KLHL32: variants seen among roughly 807,000 people sequenced by gnomAD.
KLHL32 encodes kelch-like protein 32.
A neutral mutation model predicts 64.8 loss-of-function variants in KLHL32; 35 were observed. The observed-to-expected ratio is 0.54, with a 90% CI of 0.41 to 0.72. The LOEUF is 0.72. Among genes scored for constraint, KLHL32 ranks in the 30% least tolerant of loss-of-function variants. The pLI, the probability that KLHL32 is intolerant of heterozygous loss-of-function variation, is 0.00. For synonymous variants in KLHL32, 259 were observed against 281.0 expected (o/e 0.92, Z 0.78); for missense variants, 589 against 768.5 (o/e 0.77, Z 2.76).
At chr6:97,114,554 G>A (rs759277137) in intron 7 of KLHL32, 45 bp downstream of exon 7, 1 of 1,604,490 alleles carries the variant, frequency 6.2e-7, no homozygotes, top group South Asian at 1.1e-5. Context: ...CACTTTCATT[G>A]TGGTATATAT....
At chr6:97,014,842 A>G (rs1038372872) in intron 3 of KLHL32, among the ~76,000 whole-genome samples, 3 of 152,222 alleles carry the variant, frequency 2.0e-5, no homozygotes, top group African/African-American at 7.2e-5. Flanking sequence ...ATAGCTTAGT[A>G]TGAGAGCAAA....
chr6:97,119,608 C>T (rs936890330), intron 7 of KLHL32, among the ~76,000 whole-genome samples: 3 of 152,148 alleles, frequency 2.0e-5, no homozygotes, highest in African/African-American at 4.8e-5. Flanking sequence ...GAAATAGAAA[C>T]CCCAGGTGCA....
intron 5 of KLHL32, among the ~76,000 whole-genome samples, chr6:97,080,400 T>TAC (rs1226060438): frequency 1.2e-4 from 19 of 152,192 alleles, no homozygotes; most frequent in Non-Finnish European, 2.5e-4. Flanking sequence ...TCATGGGTAT[T>TAC]CTTTCATTAA....
intron 4 of KLHL32, among the ~76,000 whole-genome samples, chr6:97,059,338 A>G (rs1399290403): frequency 6.6e-6 from 1 of 152,214 alleles, no homozygotes; most frequent in Admixed American, 6.5e-5. Flanking sequence ...ATAAAACTGG[A>G]GAAAAGTTTT....
the KLHL32 span, among the ~76,000 whole-genome samples, chr6:96,911,016 CTA>C: frequency 6.6e-6 from 1 of 152,084 alleles, no homozygotes; most frequent in East Asian, 1.9e-4. Context: ...TAATACATAT[CTA>C]TATCTTAAGT....
At chr6:96,988,847 T>G (rs1376978832) in intron 3 of KLHL32, among the ~76,000 whole-genome samples, 1 of 151,886 alleles carries the variant, frequency 6.6e-6, no homozygotes, top group African/African-American at 2.4e-5. Context: ...AGCAAACTGT[T>G]GCAAGGACAA....
At chr6:97,112,032 G>A (rs1052304375) in intron 6 of KLHL32, among the ~76,000 whole-genome samples, 1 of 151,146 alleles carries the variant, frequency 6.6e-6, no homozygotes, top group Non-Finnish European at 1.5e-5. Context: ...GGTACAGGAT[G>A]GGGGGGTGGG....
intron 3 of KLHL32, among the ~76,000 whole-genome samples, chr6:97,014,282 G>C (rs1340102777): frequency 6.7e-6 from 1 of 148,662 alleles, no homozygotes; most frequent in African/African-American, 2.5e-5. Context: ...GTGACAGAGC[G>C]AGACTCCGTC....
At chr6:97,037,100 G>A (rs1303863402) in intron 3 of KLHL32, among the ~76,000 whole-genome samples, 3 of 151,862 alleles carry the variant, frequency 2.0e-5, no homozygotes, top group African/African-American at 7.3e-5. Flanking sequence ...TATATTATAT[G>A]TTAAATACTC....
At chr6:96,982,680 TTGTC>T (rs1389875996) in intron 3 of KLHL32, among the ~76,000 whole-genome samples, 2 of 150,326 alleles carry the variant, frequency 1.3e-5, no homozygotes, top group Admixed American at 6.6e-5. Flanking sequence ...GGTTCTCTGT[TTGTC>T]TGTTACTGGT....
rs1800501932 is a variant in KLHL32 at position 97,139,965 on chromosome 6, A to G, written c.*683A>G. On this transcript the variant is annotated 3_prime_UTR_variant, in exon 11 of 11. Transcript: ENST00000369261. ...GATTTCCACGTTAATTTAAAAGAACATTATGAGGATTAGGCGAACACTTTG... is the reference window on the plus strand; with the variant it reads ...GATTTCCACGTTAATTTAAAAGAACGTTATGAGGATTAGGCGAACACTTTG... 1 of 152,204 alleles carries G rather than the reference A, an allele frequency of 6.6e-6. No individual in the cohort carries two copies. Among genetic ancestry groups the G allele is most frequent in the Admixed American group, 6.5e-5 (1 of 15,282 alleles). 9.4% of individuals were successfully genotyped at this position (152,204 alleles called of 1,614,324 possible).
At chr6:97,076,726 A>G (rs540073584) in intron 5 of KLHL32, among the ~76,000 whole-genome samples, 1 of 152,344 alleles carries the variant, frequency 6.6e-6, no homozygotes, top group East Asian at 1.9e-4. Context: ...TGCTAAAAGT[A>G]GCACACAGTT....
chr6:96,913,671 T>C, the KLHL32 span, among the ~76,000 whole-genome samples: 1 of 152,076 alleles, frequency 6.6e-6, no homozygotes, highest in Non-Finnish European at 1.5e-5. Context: ...AACATGAGAG[T>C]TAACTGTTCA....
chr6:96,988,558 G>T (rs1324177663), intron 3 of KLHL32, among the ~76,000 whole-genome samples: 1 of 152,138 alleles, frequency 6.6e-6, no homozygotes, highest in Non-Finnish European at 1.5e-5. Context: ...ATTCCTCAGG[G>T]ATCTAGAACT....
Position 97,124,704 on chromosome 6 carries a change from G to A in KLHL32, c.1355-2700G>A, listed in dbSNP as rs189539504. Among the ~76,000 whole-genome samples, 24 of 152,256 alleles carry A rather than the reference G, an allele frequency of 1.6e-4. No individual in the cohort carries two copies. The East Asian group carries it at 4.6e-3, about 29-fold the overall frequency. On this transcript the variant is annotated intron_variant, in intron 7 of 10. Transcript: ENST00000369261. The stretch of plus-strand genomic sequence containing the variant: ...AATGATGGGTGGAGCTTTGCCCTCG[G>A]TTCCATTTCAGTTAGAGAAGTGATT...
chr6:96,920,921 G>T (rs1331273367), upstream of KLHL32, among the ~76,000 whole-genome samples: 1 of 151,920 alleles, frequency 6.6e-6, no homozygotes, highest in Non-Finnish European at 1.5e-5. Context: ...GGAATTACTG[G>T]ACCAAAAAGT....
At chr6:97,103,094 A>G (rs1394596058) in intron 6 of KLHL32, among the ~76,000 whole-genome samples, 1 of 151,920 alleles carries the variant, frequency 6.6e-6, no homozygotes, top group African/African-American at 2.4e-5. Flanking sequence ...CCCATTATAT[A>G]TAAATAAACG....
rs190115345 is a variant in KLHL32, at chr6:97,053,103, C to T, written c.312+11504C>T. Among the ~76,000 whole-genome samples the T allele has an allele frequency of 2.0e-3, 302 of 152,118 alleles. 1 individual carries two copies. Among genetic ancestry groups the T allele is most frequent in the African/African-American group, 6.4e-3 (266 of 41,476 alleles). ...ATGGATACACACACACACACACACA[C>T]GCACACACATTCTCTCCTGACCTCA... On this transcript the variant is annotated intron_variant, in intron 4 of 10. Coordinates refer to ENST00000369261, the MANE Select transcript of KLHL32 (RefSeq NM_052904.4).
chr6:97,011,008 T>C (rs1221687648), intron 3 of KLHL32, among the ~76,000 whole-genome samples: 2 of 152,226 alleles, frequency 1.3e-5, no homozygotes, highest in African/African-American at 4.8e-5. Context: ...CCTAACAGCC[T>C]GCTCAGAAGA....
Sources: allele counts gnomAD v4.1 joint callset (sites outside exome capture counted in the v4.1 genomes callset), GRCh38; gene constraint gnomAD v4.1.1; transcripts MANE v1.5; gene names NCBI Gene and HGNC (gene_info 2026-07-23, HGNC 2026-07-21).